The following CSMD3 variants were observed in gnomAD, a reference collection of about 807,000 sequenced individuals.
CSMD3 encodes CUB and sushi domain-containing protein 3.
Under a neutral mutation model 435.2 loss-of-function variants are expected in CSMD3, and 177 were observed. That is an observed-to-expected ratio of 0.41 (90% CI 0.36 to 0.46). The LOEUF (loss-of-function observed/expected upper bound fraction) is 0.46. Among genes scored for constraint, CSMD3 ranks in the 20% least tolerant of loss-of-function variants. The probability of loss-of-function intolerance (pLI) is 0.34; values close to 1 mark genes in which losing one functional copy is unlikely to be tolerated. For missense variants in CSMD3, 4,265 were observed against 4,504.6 expected, an observed-to-expected ratio of 0.95 and a Z score of 1.52; for synonymous variants, 1,656 against 1,520.5, an observed-to-expected ratio of 1.09 and a Z score of -2.07.
intron 22 of CSMD3, among the ~76,000 whole-genome samples, chr8:112,610,361 G>A (rs1479575109): frequency 6.6e-6 from 1 of 151,054 alleles, no homozygotes; most frequent in Non-Finnish European, 1.5e-5. Flanking sequence ...CAATGTTAAG[G>A]AGCCTCAGCA....
intron 22 of CSMD3, among the ~76,000 whole-genome samples, chr8:112,634,614 A>C: frequency 6.6e-6 from 1 of 152,054 alleles, no homozygotes; most frequent in East Asian, 1.9e-4. Flanking sequence ...GTACGAATAA[A>C]CCAGTCTCAA....
intron 4 of CSMD3, among the ~76,000 whole-genome samples, chr8:113,112,449 GTA>G (rs1359375065): frequency 5.9e-3 from 77 of 13,156 alleles, no homozygotes; most frequent in African/African-American, 0.02. Context: ...ATATATATAT[GTA>G]TATACACACA....
At chr8:113,369,960 A>G (rs969286203) in intron 1 of CSMD3, among the ~76,000 whole-genome samples, 1 of 151,872 alleles carries the variant, frequency 6.6e-6, no homozygotes, top group African/African-American at 2.4e-5. Flanking sequence ...TTACCCTTAC[A>G]TAGGAGGAAT....
rs534690607 is a variant in CSMD3, at chr8:112,522,876, T to G, written c.4565-5651A>C. The stretch of plus-strand genomic sequence containing the variant: ...TGGGAGTATAATTTCACTGGAAATA[T>G]GCACTTCACTTAATATAGATTTCAC... On this transcript the variant is annotated intron_variant, in intron 27 of 70. Transcript: ENST00000297405. 2.0e-5 allele frequency among the ~76,000 whole-genome samples: 3 copies of G among 152,030 alleles called. No individual in the cohort carries two copies. The East Asian group carries it at 5.8e-4, about 29-fold the overall frequency.
chr8:112,273,560 C>T (rs1817727954), intron 59 of CSMD3, among the ~76,000 whole-genome samples: 1 of 151,680 alleles, frequency 6.6e-6, no homozygotes, highest in African/African-American at 2.4e-5. Context: ...CCCGTCTCTA[C>T]TAAAAATACA....
chr8:112,533,820 T>C (rs1825779170), intron 27 of CSMD3, among the ~76,000 whole-genome samples: 1 of 152,074 alleles, frequency 6.6e-6, no homozygotes, highest in Non-Finnish European at 1.5e-5. Flanking sequence ...AGAGTATACA[T>C]ACTTCTCATT....
chr8:113,143,067 C>T (rs1220130955), intron 4 of CSMD3, among the ~76,000 whole-genome samples: 1 of 150,568 alleles, frequency 6.6e-6, no homozygotes, highest in Non-Finnish European at 1.5e-5. Flanking sequence ...ACTATATATC[C>T]AACAAAGATT....
chr8:112,236,654 C>T (rs962734862), intron 67 of CSMD3, among the ~76,000 whole-genome samples: 2 of 152,016 alleles, frequency 1.3e-5, no homozygotes, highest in African/African-American at 2.4e-5. Flanking sequence ...GTTAGGAAAA[C>T]CAGTGCAATC....
At chr8:113,335,532 TC>T (rs2094066163) in intron 1 of CSMD3, among the ~76,000 whole-genome samples, 1 of 121,650 alleles carries the variant, frequency 8.2e-6, no homozygotes, top group Non-Finnish European at 1.7e-5. Context: ...GCTCTCCTCC[TC>T]CTTCTTTTTT....
rs185927030 is a variant in CSMD3 at position 112,804,890 on chromosome 8, C to T, written c.1860-4616G>A. 3.6e-3 allele frequency among the ~76,000 whole-genome samples: 544 copies of T among 152,128 alleles called. 1 individual carries two copies. Among genetic ancestry groups the T allele is most frequent in the African/African-American group, 0.012 (515 of 41,510 alleles). On this transcript the variant is annotated intron_variant, in intron 12 of 70. Transcript: ENST00000297405. ...ACGTTGACCAGGATGGTCTGAGTCT[C>T]TTGACCTCGTGATCTGCCCGCCTCA...
At chr8:112,593,396 A>C (rs1383502847) in intron 22 of CSMD3, among the ~76,000 whole-genome samples, 1 of 152,164 alleles carries the variant, frequency 6.6e-6, no homozygotes, top group Non-Finnish European at 1.5e-5. Context: ...AAAAGTTAGA[A>C]CTTGGAGACA....
intron 4 of CSMD3, among the ~76,000 whole-genome samples, chr8:113,159,760 T>A (rs1214006455): frequency 6.6e-6 from 1 of 151,988 alleles, no homozygotes; most frequent in Non-Finnish European, 1.5e-5. Context: ...TTAAGAAAAA[T>A]CAGTGAAATA....
At chr8:112,949,615 C>T (rs918643096) in intron 8 of CSMD3, among the ~76,000 whole-genome samples, 4 of 152,062 alleles carry the variant, frequency 2.6e-5, no homozygotes, top group Non-Finnish European at 5.9e-5. Flanking sequence ...GTCATCTAAT[C>T]TATCTACTTA....
intron 19 of CSMD3, among the ~76,000 whole-genome samples, chr8:112,648,223 G>T (rs994804934): frequency 6.6e-6 from 1 of 152,124 alleles, no homozygotes; most frequent in African/African-American, 2.4e-5. Context: ...GGAAAGGTCT[G>T]ATCAAATCTG....
intron 13 of CSMD3, among the ~76,000 whole-genome samples, chr8:112,700,637 C>T (rs1351801271): frequency 6.6e-6 from 1 of 152,090 alleles, no homozygotes; most frequent in African/African-American, 2.4e-5. Context: ...TTTCTGTTGG[C>T]TCCTCTTCTA....
At chr8:112,579,345 T>G (rs1298296497) in intron 23 of CSMD3, among the ~76,000 whole-genome samples, 1 of 151,946 alleles carries the variant, frequency 6.6e-6, no homozygotes, top group Non-Finnish European at 1.5e-5. Flanking sequence ...ATTTCTACAG[T>G]GTAAATACTC....
intron 38 of CSMD3, among the ~76,000 whole-genome samples, chr8:112,375,874 A>G (rs1828894131): frequency 6.6e-6 from 1 of 152,138 alleles, no homozygotes; most frequent in Non-Finnish European, 1.5e-5. Flanking sequence ...ACGACATCCT[A>G]TACCTTTCAG....
intron 66 of CSMD3, among the ~76,000 whole-genome samples, chr8:112,240,280 C>A (rs1373270017): frequency 2.0e-5 from 3 of 151,958 alleles, no homozygotes; most frequent in Non-Finnish European, 4.4e-5. Flanking sequence ...AATATATGAG[C>A]AATTTTTTTA....
At chr8:113,193,099 C>T (rs2092608446) in intron 3 of CSMD3, among the ~76,000 whole-genome samples, 1 of 151,262 alleles carries the variant, frequency 6.6e-6, no homozygotes, top group African/African-American at 2.4e-5. Flanking sequence ...GACCTAGCTG[C>T]AGCTTTCTGA....
Sources: allele counts gnomAD v4.1 joint callset (sites outside exome capture counted in the v4.1 genomes callset), GRCh38; gene constraint gnomAD v4.1.1; transcripts MANE v1.5; gene names NCBI Gene and HGNC (gene_info 2026-07-23, HGNC 2026-07-21).